CYP2C19: variants seen among roughly 807,000 people sequenced by gnomAD.
CYP2C19 encodes the protein cytochrome P450 2C19.
CYP2C19 carries 59 observed loss-of-function variants against 40.9 expected under a neutral mutation model. That is an observed-to-expected ratio of 1.44 (90% CI 1.17 to 1.79). The LOEUF (loss-of-function observed/expected upper bound fraction) is 1.79, where lower values mean the gene tolerates loss of function less well. Among genes scored for constraint, CYP2C19 ranks in the 40% most tolerant of loss-of-function variants. CYP2C19 has a pLI of 0.00. For missense variants in CYP2C19, 754 were observed against 596.9 expected (o/e 1.26, Z -2.74); for synonymous variants, 253 against 208.7 (o/e 1.21, Z -1.83).
At chr10:94,837,230 A>T (rs1268231836) in intron 6 of CYP2C19, among the ~76,000 whole-genome samples, 1 of 152,142 alleles carries the variant, frequency 6.6e-6, no homozygotes, top group Non-Finnish European at 1.5e-5. Flanking sequence ...GGAGTATTGC[A>T]GGGGCTATTG....
chr10:94,774,662 G>A (rs118116031), intron 1 of CYP2C19: 18 of 211,258 alleles, frequency 8.5e-5, no homozygotes, highest in Non-Finnish European at 1.2e-4. Context: ...AGACACAAGA[G>A]TGCTGATAAA....
chr10:94,851,733 T>C (rs570197990), intron 8 of CYP2C19, among the ~76,000 whole-genome samples: 2 of 152,042 alleles, frequency 1.3e-5, no homozygotes, highest in African/African-American at 4.8e-5. Flanking sequence ...AGGGGAGAAA[T>C]GGCTCCCTTG....
chr10:94,851,939 C>G (rs1017187501), intron 8 of CYP2C19, among the ~76,000 whole-genome samples: 1 of 152,142 alleles, frequency 6.6e-6, no homozygotes, highest in African/African-American at 2.4e-5. Context: ...GGGAAACGAA[C>G]ATTTTCTTGC....
At chr10:94,821,704 C>A (rs1436235319) in intron 6 of CYP2C19, among the ~76,000 whole-genome samples, 1 of 152,040 alleles carries the variant, frequency 6.6e-6, no homozygotes, top group African/African-American at 2.4e-5. Flanking sequence ...TGTCAGTATC[C>A]CCCATTTAAT....
intron 6 of CYP2C19, among the ~76,000 whole-genome samples, chr10:94,821,765 T>C (rs1416143594): frequency 6.6e-6 from 1 of 152,170 alleles, no homozygotes; most frequent in Non-Finnish European, 1.5e-5. Context: ...GAACAATTAC[T>C]AACCTATAAC....
At chr10:94,821,730 A>G in intron 6 of CYP2C19, among the ~76,000 whole-genome samples, 1 of 152,206 alleles carries the variant, frequency 6.6e-6, no homozygotes, top group East Asian at 1.9e-4. Flanking sequence ...TAACCTAATT[A>G]CAAATAAGAG....
chr10:94,855,026 G>A lies in CYP2C19; in HGVS notation c.*2112G>A, dbSNP rs781007275. ...AAGTTGTCTAGTCTGTTTCCTCCTGGAGACTGTAGTGGATAATCTGTTTTC... is the reference window on the plus strand; with the variant it reads ...AAGTTGTCTAGTCTGTTTCCTCCTGAAGACTGTAGTGGATAATCTGTTTTC... On this transcript the variant is annotated 3_prime_UTR_variant, in exon 9 of 9. Coordinates refer to ENST00000371321, the MANE Select transcript of CYP2C19 (RefSeq NM_000769.4). 2.1e-4 allele frequency among the ~76,000 whole-genome samples: 32 copies of A among 152,162 alleles called. No homozygotes were observed. The highest frequency in any genetic ancestry group is 3.4e-4 in the Non-Finnish European group (23 of 68,030).
chr10:94,805,878 G>A (rs1784030098), intron 5 of CYP2C19, among the ~76,000 whole-genome samples: 1 of 152,198 alleles, frequency 6.6e-6, no homozygotes, highest in African/African-American at 2.4e-5. Flanking sequence ...TCAGTCTTAT[G>A]TGCCAGATAC....
chr10:94,817,958 A>T (rs1324015247), intron 5 of CYP2C19, among the ~76,000 whole-genome samples: 1 of 141,756 alleles, frequency 7.1e-6, no homozygotes, highest in Non-Finnish European at 1.5e-5. Context: ...GCTTGCAGTG[A>T]GCCGAGATCC....
chr10:94,817,789 G>A (rs113833279), intron 5 of CYP2C19, among the ~76,000 whole-genome samples: 18 of 152,040 alleles, frequency 1.2e-4, no homozygotes, highest in African/African-American at 1.7e-4. Flanking sequence ...CGAGGCGGGC[G>A]GATCACGAGG....
At chr10:94,843,826 C>G (rs1849529530) in intron 7 of CYP2C19, among the ~76,000 whole-genome samples, 1 of 152,072 alleles carries the variant, frequency 6.6e-6, no homozygotes, top group South Asian at 2.1e-4. Context: ...TAGTGGGCAT[C>G]CTTGTTTCTC....
In CYP2C19 at chr10:94,765,542, C is replaced by T. The variant is rs556742399; in HGVS notation, c.168+2669C>T. Among the ~76,000 whole-genome samples, 5 of 152,116 alleles carry T rather than the reference C, an allele frequency of 3.3e-5. No homozygotes were observed. The South Asian group carries it at 8.3e-4, about 25-fold the overall frequency. On this transcript the variant is annotated intron_variant, in intron 1 of 8. Transcript: ENST00000371321. ...GTGTTGGGAGCAAACTGAGTGGCTC[C>T]GTGTGTTCTATTTTCCCATTGGAGA...
chr10:94,787,356 G>T (rs1290381084), intron 5 of CYP2C19, among the ~76,000 whole-genome samples: 1 of 151,954 alleles, frequency 6.6e-6, no homozygotes, highest in African/African-American at 2.4e-5. Flanking sequence ...TTTTTAACTT[G>T]TTGAATTGTC....
intron 6 of CYP2C19, among the ~76,000 whole-genome samples, chr10:94,831,583 A>C (rs992927208): frequency 6.6e-6 from 1 of 152,160 alleles, no homozygotes; most frequent in African/African-American, 2.4e-5. Flanking sequence ...TGTCTTTTGG[A>C]TATAAGCCAT....
chr10:94,810,313 A>G (rs373812455), intron 5 of CYP2C19, among the ~76,000 whole-genome samples: 26 of 152,200 alleles, frequency 1.7e-4, no homozygotes, highest in African/African-American at 6.3e-4. Context: ...TTTCGCATGG[A>G]TGTTCATCAC....
intron 6 of CYP2C19, among the ~76,000 whole-genome samples, chr10:94,826,633 A>G (rs1278745370): frequency 1.3e-5 from 2 of 152,128 alleles, no homozygotes; most frequent in African/African-American, 4.8e-5. Context: ...CTCTTTTCCT[A>G]ATTGAATCCC....
intron 1 of CYP2C19, among the ~76,000 whole-genome samples, chr10:94,767,170 G>A (rs1848257123): frequency 6.6e-6 from 1 of 152,152 alleles, no homozygotes; most frequent in Non-Finnish European, 1.5e-5. Context: ...ATGGACAAAA[G>A]AGTAAAGAGT....
intron 8 of CYP2C19, 119 bp from the exon 9 acceptor site, chr10:94,852,614 C>T (rs12268020): frequency 0.2 from 215,000 of 1,076,490 alleles, 22,914 homozygotes; most frequent in African/African-American, 0.23. Context: ...CTACTCATCC[C>T]TCCTATGATT....
At chr10:94,828,286 G>T (rs1181637949) in intron 6 of CYP2C19, among the ~76,000 whole-genome samples, 1 of 151,676 alleles carries the variant, frequency 6.6e-6, no homozygotes, top group Non-Finnish European at 1.5e-5. Flanking sequence ...CATTATTAAT[G>T]TGTGGGAGTC....
Sources: allele counts gnomAD v4.1 joint callset (sites outside exome capture counted in the v4.1 genomes callset), GRCh38; gene constraint gnomAD v4.1.1; transcripts MANE v1.5; gene names NCBI Gene and HGNC (gene_info 2026-07-23, HGNC 2026-07-21).